Variants in MAGI1 observed in about 807,000 individuals in gnomAD.
MAGI1 encodes the protein membrane-associated guanylate kinase, WW and PDZ domain-containing protein 1.
In MAGI1, 58 loss-of-function variants were observed where a neutral mutation model predicts 139.9. The observed-to-expected ratio is 0.41, with a 90% CI of 0.34 to 0.52. The LOEUF is 0.52. MAGI1 is among the 20% of genes least tolerant of loss of function. The pLI is 0.12. For synonymous variants in MAGI1, 812 were observed against 737.9 expected (o/e 1.10, Z -1.63); for missense variants, 1,874 against 1,901.6 (o/e 0.99, Z 0.27).
chr3:65,490,881 G>A (rs1256255244), intron 3 of MAGI1, among the ~76,000 whole-genome samples: 2 of 146,086 alleles, frequency 1.4e-5, no homozygotes, highest in Non-Finnish European at 3.0e-5. Context: ...AAAATTATGA[G>A]CCCTCTCATA....
chr3:65,582,872 C>G lies in MAGI1; in HGVS notation c.430+39100G>C, dbSNP rs376837661. Among the ~76,000 whole-genome samples, 3 of 152,222 alleles carry G rather than the reference C, an allele frequency of 2.0e-5. No homozygotes were observed. In the East Asian group the frequency reaches 5.8e-4, roughly 29 times the overall value. On this transcript the variant is annotated intron_variant, in intron 2 of 22. Coordinates refer to ENST00000402939, the MANE Select transcript of MAGI1 (RefSeq NM_001033057.2). ...ACATGAGACATGACTTCTCCTTCTA[C>G]AACTTCTAGAATTACAGGTATCATT...
intron 5 of MAGI1, among the ~76,000 whole-genome samples, chr3:65,466,091 T>C (rs1950154963): frequency 6.6e-6 from 1 of 152,364 alleles, no homozygotes; most frequent in Non-Finnish European, 1.5e-5. Flanking sequence ...AAATCATCTA[T>C]GGCTTTGCTG....
At chr3:65,990,150 A>G (rs2066092650) in intron 1 of MAGI1, among the ~76,000 whole-genome samples, 1 of 152,122 alleles carries the variant, frequency 6.6e-6, no homozygotes, top group Non-Finnish European at 1.5e-5. Context: ...GCAAGACCTG[A>G]GTGAGATTAA....
chr3:65,442,866 C>T lies in MAGI1; in HGVS notation c.1079-17G>A, dbSNP rs747709308. On this transcript the variant is annotated splice_polypyrimidine_tract_variant and intron_variant, in intron 7 of 22. Coordinates refer to ENST00000402939, the MANE Select transcript of MAGI1 (RefSeq NM_001033057.2). ...CAGGCAGTTCTGAAAAATAAAAGAA[C>T]ATTTAGGGCAAGAAGAGCATATTCT... 1 of 1,606,514 alleles carries T rather than the reference C, an allele frequency of 6.2e-7. No homozygotes were observed. Among genetic ancestry groups the T allele is most frequent in the Non-Finnish European group, 8.5e-7 (1 of 1,173,744 alleles).
chr3:65,755,946 A>G (rs1319067722), intron 1 of MAGI1, among the ~76,000 whole-genome samples: 1 of 152,196 alleles, frequency 6.6e-6, no homozygotes, highest in East Asian at 1.9e-4. Flanking sequence ...GATCACTTAC[A>G]TTTCAAATTC....
chr3:65,379,586 G>GTGTC, intron 16 of MAGI1, 32 bp from the exon 17 acceptor site: 1 of 1,578,594 alleles, frequency 6.3e-7, no homozygotes, highest in African/African-American at 1.3e-5. Flanking sequence ...GTACATCACC[G>GTGTC]TGTCCTGCAG....
intron 2 of MAGI1, among the ~76,000 whole-genome samples, chr3:65,509,643 A>G (rs574402023): frequency 2.0e-5 from 3 of 152,320 alleles, no homozygotes; most frequent in South Asian, 4.1e-4. Context: ...CACCTGGCTC[A>G]GAGGGTCCTA....
intron 12 of MAGI1, among the ~76,000 whole-genome samples, chr3:65,425,458 T>A (rs1481781161): frequency 1.3e-5 from 2 of 152,128 alleles, no homozygotes; most frequent in African/African-American, 4.8e-5. Context: ...AATAAGGTCA[T>A]CCCTTGCATA....
At chr3:66,027,578 G>A (rs1366886503) in intron 1 of MAGI1, among the ~76,000 whole-genome samples, 1 of 152,198 alleles carries the variant, frequency 6.6e-6, no homozygotes. Flanking sequence ...AGGAGAACCT[G>A]ACTTCTCAAG....
chr3:65,447,874 T>C, intron 7 of MAGI1, 148 bp downstream of exon 7: 3 of 926,422 alleles, frequency 3.2e-6, no homozygotes, highest in Admixed American at 3.5e-5. Context: ...GTTGTAAGAC[T>C]GACCTTTCCT....
intron 2 of MAGI1, among the ~76,000 whole-genome samples, chr3:65,618,421 AATTAT>A (rs1312576260): frequency 2.0e-5 from 3 of 152,202 alleles, no homozygotes; most frequent in Non-Finnish European, 4.4e-5. Context: ...TCATTATTAA[AATTAT>A]ATTGTACAAC....
intron 1 of MAGI1, among the ~76,000 whole-genome samples, chr3:66,028,489 G>T (rs2068415118): frequency 6.6e-6 from 1 of 151,146 alleles, no homozygotes; most frequent in Non-Finnish European, 1.5e-5. Context: ...AACCCAGGCG[G>T]TCTGACTCCA....
At chr3:65,924,328 A>T (rs184988103) in intron 1 of MAGI1, among the ~76,000 whole-genome samples, 1 of 152,360 alleles carries the variant, frequency 6.6e-6, no homozygotes, top group Admixed American at 6.5e-5. Flanking sequence ...GCCCGAATTA[A>T]GAAAGGTCGG....
chr3:65,782,189 G>A (rs1049260837), intron 1 of MAGI1, among the ~76,000 whole-genome samples: 11 of 152,000 alleles, frequency 7.2e-5, no homozygotes, highest in Admixed American at 6.6e-5. Flanking sequence ...CATGACAAAG[G>A]GGAATTAAGG....
chr3:65,745,062 TCCTTTTG>T (rs1341680187), intron 1 of MAGI1, among the ~76,000 whole-genome samples: 2 of 152,150 alleles, frequency 1.3e-5, no homozygotes, highest in East Asian at 3.9e-4. Context: ...ACAGTGTTGG[TCCTTTTG>T]CATCTGGCAT....
intron 1 of MAGI1, among the ~76,000 whole-genome samples, chr3:65,912,532 C>T (rs2061714543): frequency 6.6e-6 from 1 of 152,046 alleles, no homozygotes; most frequent in Non-Finnish European, 1.5e-5. Flanking sequence ...AAACAGGTAA[C>T]AAAAAAATGT....
intron 6 of MAGI1, among the ~76,000 whole-genome samples, chr3:65,449,234 T>C (rs1404573558): frequency 6.6e-6 from 1 of 152,096 alleles, no homozygotes; most frequent in Non-Finnish European, 1.5e-5. Context: ...GTAACAAACC[T>C]GCACGTTGTG....
chr3:65,707,391 C>T (rs974700955), intron 1 of MAGI1, among the ~76,000 whole-genome samples: 12 of 152,164 alleles, frequency 7.9e-5, no homozygotes, highest in South Asian at 2.1e-4. Context: ...CTCGCCTCCC[C>T]GAGTGCCAGG....
chr3:65,612,300 T>G (rs971037011), intron 2 of MAGI1, among the ~76,000 whole-genome samples: 4 of 152,076 alleles, frequency 2.6e-5, no homozygotes, highest in Non-Finnish European at 5.9e-5. Context: ...TACTCAGGCT[T>G]GCTGGTTACT....
Sources: allele counts gnomAD v4.1 joint callset (sites outside exome capture counted in the v4.1 genomes callset), GRCh38; gene constraint gnomAD v4.1.1; transcripts MANE v1.5; gene names NCBI Gene and HGNC (gene_info 2026-07-23, HGNC 2026-07-21).